SFXN3: variants seen among roughly 807,000 people sequenced by gnomAD.
SFXN3 encodes the protein sideroflexin 3.
Under a neutral mutation model 40.4 loss-of-function variants are expected in SFXN3, and 31 were observed. The observed-to-expected ratio is 0.77, with a 90% CI of 0.58 to 1.04. The LOEUF (loss-of-function observed/expected upper bound fraction) is 1.04, where lower values mean the gene tolerates loss of function less well. Ranked by LOEUF, SFXN3 falls within the 50% of genes least tolerant of loss-of-function variation. SFXN3 has a pLI of 0.00. For missense variants in SFXN3, 366 were observed against 408.2 expected (o/e 0.90, Z 0.89); for synonymous variants, 157 against 160.0 (o/e 0.98, Z 0.14).
chr10:101,031,774 G>T (rs1938220651), intron 1 of SFXN3, among the ~76,000 whole-genome samples: 1 of 152,092 alleles, frequency 6.6e-6, no homozygotes, highest in Non-Finnish European at 1.5e-5. Flanking sequence ...TGGGGTGCAG[G>T]GCTAGGGGTT....
In SFXN3 at chr10:101,037,304, G is replaced by A. The variant is rs1372856050; in HGVS notation, c.722-78G>A. On this transcript the variant is annotated intron_variant, in intron 8 of 11. Coordinates refer to ENST00000393459, the Ensembl canonical transcript of SFXN3. ...CTCTGGGGAGAGAGGGAGGAGCTTTGAGGGGGGTCACCCTTCACAGTTCCT... is the reference window on the plus strand; with the variant it reads ...CTCTGGGGAGAGAGGGAGGAGCTTTAAGGGGGGTCACCCTTCACAGTTCCT... 1.9e-6 allele frequency: 3 copies of A among 1,613,874 alleles called. No homozygotes were observed. In the East Asian group the frequency reaches 6.7e-5, roughly 36 times the overall value.
At chr10:101,035,087 C>A (rs1938525081) in intron 3 of SFXN3, among the ~76,000 whole-genome samples, 1 of 152,220 alleles carries the variant, frequency 6.6e-6, no homozygotes, top group Non-Finnish European at 1.5e-5. Flanking sequence ...CATCACAAAC[C>A]TCTACAGGGA....
Position 101,036,622 on chromosome 10 carries a change from A to G in SFXN3, c.507+61A>G. 1 of 1,612,554 alleles carries G rather than the reference A, an allele frequency of 6.2e-7. No individual in the cohort carries two copies. Among genetic ancestry groups the G allele is most frequent in the Non-Finnish European group, 8.5e-7 (1 of 1,179,274 alleles). On this transcript the variant is annotated intron_variant, in intron 6 of 11. Coordinates refer to ENST00000393459, the Ensembl canonical transcript of SFXN3. The surrounding 1 kb of genome is among the most constrained non-coding windows in gnomAD (Gnocchi z 4.2). ...TCCTCTATCTGCCTCCTTCTTCCTC[A>G]TCACACCTCCAGTTCTGACCTATAT...
In SFXN3 at chr10:101,039,709, T is replaced by C; in HGVS notation, c.*124T>C. On this transcript the variant is annotated 3_prime_UTR_variant, in exon 12 of 12. Coordinates refer to ENST00000393459, the Ensembl canonical transcript of SFXN3. This position sits in a 1 kb window ranked among gnomAD's most constrained non-coding sequence, Gnocchi z 4.6. The stretch of plus-strand genomic sequence containing the variant: ...GGGGCCTTGGTGGGCAGATGGCAAT[T>C]GAGGGTAGCAACCTATTAGGGTGGG... 5 of 885,712 alleles carry C rather than the reference T, an allele frequency of 5.6e-6. No individual in the cohort carries two copies. In the South Asian group the frequency reaches 7.2e-5, roughly 13 times the overall value. 54.9% of individuals were successfully genotyped at this position (885,712 alleles called of 1,614,324 possible).
Position 101,036,144 on chromosome 10 carries a change from C to T in SFXN3, c.431+43C>T. The T allele has an allele frequency of 6.7e-7, 1 of 1,490,000 alleles. No homozygotes were observed. Among genetic ancestry groups the T allele is most frequent in the Non-Finnish European group, 9.4e-7 (1 of 1,068,812 alleles). 92.3% of individuals were successfully genotyped at this position (1,490,000 alleles called of 1,614,324 possible). A position where few individuals can be genotyped will look rare whatever the true frequency, so the allele number is the denominator to read the frequency against. On this transcript the variant is annotated intron_variant, in intron 5 of 11. Coordinates refer to ENST00000393459, the Ensembl canonical transcript of SFXN3. The surrounding 1 kb of genome is among the most constrained non-coding windows in gnomAD (Gnocchi z 4.2). ...GCAGCAGCTGCACTGTCCCATCTGACCCTCTCCTCCCAGCCTGCAGTGCCC... is the reference window on the plus strand; with the variant it reads ...GCAGCAGCTGCACTGTCCCATCTGATCCTCTCCTCCCAGCCTGCAGTGCCC...
Position 101,032,483 on chromosome 10 carries a change from GT to G in SFXN3, c.-4+2del. Reference sequence around the variant, plus strand: ...AGAGCTTCAGAGAGCGATGGAAAGCGTAAGTGCTCGCTCTCCCCGGCGGGCG... The same window carrying G: ...AGAGCTTCAGAGAGCGATGGAAAGCGAAGTGCTCGCTCTCCCCGGCGGGCG... On this transcript the variant is annotated splice_donor_variant, in intron 2 of 11. Coordinates refer to ENST00000393459, the Ensembl canonical transcript of SFXN3. LOFTEE classifies it low-confidence loss of function (5UTR_SPLICE). The G allele has an allele frequency of 6.5e-7, 1 of 1,546,192 alleles. No individual in the cohort carries two copies. Among genetic ancestry groups the G allele is most frequent in the South Asian group, 1.2e-5 (1 of 82,488 alleles).
At chr10:101,033,259 GC>G (rs1344594573) in intron 2 of SFXN3, among the ~76,000 whole-genome samples, 1 of 152,124 alleles carries the variant, frequency 6.6e-6, no homozygotes, top group East Asian at 1.9e-4. Flanking sequence ...TGCAGCTGGG[GC>G]CTAAAGCTCA....
At chr10:101,037,156 T>A (rs1307612708) in exon 8 of SFXN3, 1 of 1,613,924 alleles carries the variant, frequency 6.2e-7, no homozygotes, top group Non-Finnish European at 8.5e-7. Flanking sequence ...AAGCAGGGAA[T>A]CTTCCAGGTG....
exon 12 of SFXN3, chr10:101,040,058 T>A (rs1208816132): frequency 5.9e-6 from 1 of 168,370 alleles, no homozygotes; most frequent in Non-Finnish European, 1.3e-5. Context: ...GGACAGAGAC[T>A]TATAGACACT....
intron 2 of SFXN3, among the ~76,000 whole-genome samples, chr10:101,032,737 CTCTG>C (rs921711873): frequency 5.4e-4 from 83 of 152,316 alleles, no homozygotes; most frequent in East Asian, 2.1e-3. Flanking sequence ...GACACCTCCA[CTCTG>C]TCTGTATGTC....
intron 10 of SFXN3, 40 bp downstream of exon 10, chr10:101,038,732 C>T: frequency 6.2e-7 from 1 of 1,604,582 alleles, no homozygotes; most frequent in Non-Finnish European, 8.5e-7. Flanking sequence ...GTGGGAGTGC[C>T]TTGTCCATGG....
At chr10:101,037,817 G>A (rs752278294) in intron 9 of SFXN3, 3 of 1,115,108 alleles carry the variant, frequency 2.7e-6, no homozygotes, top group Non-Finnish European at 3.3e-6. Context: ...GCAAAGCACA[G>A]GAACAAGCTC....
At position 101,032,483 on chromosome 10, in the gene SFXN3, G is replaced by T. The variant is rs369924536; in HGVS notation, c.-4+1G>T. On this transcript the variant is annotated splice_donor_variant, in intron 2 of 11. Coordinates refer to ENST00000393459, the Ensembl canonical transcript of SFXN3. LOFTEE classifies it low-confidence loss of function (5UTR_SPLICE). ...AGAGCTTCAGAGAGCGATGGAAAGC[G>T]TAAGTGCTCGCTCTCCCCGGCGGGC... is the stretch of plus-strand genomic sequence containing the variant. 11 of 1,546,192 alleles carry T rather than the reference G, an allele frequency of 7.1e-6. No homozygotes were observed. The highest frequency in any genetic ancestry group is 4.2e-5 in the African/African-American group (3 of 71,736).
rs1938612584 is a variant in SFXN3 at position 101,036,534 on chromosome 10, G to A, written c.480G>A (p.Thr160=). The A allele has an allele frequency of 2.5e-6, 4 of 1,614,048 alleles. No individual in the cohort carries two copies. Among genetic ancestry groups the A allele is most frequent in the Non-Finnish European group, 1.7e-6 (2 of 1,179,978 alleles). Residue 160 remains threonine (T), a synonymous_variant, in exon 6 of 12, where the codon ACG becomes ACA. Coordinates refer to ENST00000393459, the Ensembl canonical transcript of SFXN3. The surrounding 1 kb of genome is among the most constrained non-coding windows in gnomAD (Gnocchi z 4.2). ...GTGCCACCACTGGAGCTGTGGCCAC[G>A]GCCCTGGGACTCAAATCCCTCACCA... is the stretch of plus-strand genomic sequence containing the variant.
At chr10:101,038,222 G>C (rs1014012471) in intron 9 of SFXN3, 2 of 1,057,602 alleles carry the variant, frequency 1.9e-6, no homozygotes, top group Middle Eastern at 4.4e-4. Flanking sequence ...ACAGGTTGGT[G>C]GTCCCTGTGG....
exon 12 of SFXN3, chr10:101,040,225 C>T (rs1938832336): frequency 1.3e-5 from 2 of 154,310 alleles, no homozygotes; most frequent in Non-Finnish European, 2.9e-5. Context: ...CATTTCCCCT[C>T]CTCCTCTCTA....
At chr10:101,037,653 C>A in intron 9 of SFXN3, 1 of 1,434,424 alleles carries the variant, frequency 7.0e-7, no homozygotes, top group Non-Finnish European at 9.1e-7. Context: ...AGGAAACCAA[C>A]TTCATCAGTG....
At chr10:101,035,980 A>G (rs1345308132) in intron 4 of SFXN3, 23 bp from the exon 5 acceptor site, 5 of 1,598,068 alleles carry the variant, frequency 3.1e-6, no homozygotes, top group Non-Finnish European at 4.3e-6. Flanking sequence ...ACGGGGCAGA[A>G]GTGAGTGTCT....
exon 10 of SFXN3, chr10:101,038,683 T>A: frequency 6.2e-7 from 1 of 1,611,746 alleles, no homozygotes; most frequent in African/African-American, 1.3e-5. Context: ...GTGGGACTGG[T>A]GGGCTTCTGG....
Sources: allele counts gnomAD v4.1 joint callset (sites outside exome capture counted in the v4.1 genomes callset), GRCh38; gene constraint gnomAD v4.1.1; non-coding constraint Gnocchi (gnomAD v3.1); transcripts MANE v1.5; gene names NCBI Gene and HGNC (gene_info 2026-07-23, HGNC 2026-07-21).